Variants in SNX18 observed in about 807,000 individuals in gnomAD.
The protein encoded by SNX18 is sorting nexin-18.
SNX18 carries 35 observed loss-of-function variants against 48.7 expected under a neutral mutation model. The observed-to-expected ratio is 0.72, with a 90% CI of 0.55 to 0.95. SNX18 has a LOEUF of 0.95. Among genes scored for constraint, SNX18 ranks in the 40% least tolerant of loss-of-function variants. SNX18 has a pLI of 0.00. For missense variants in SNX18, 824 were observed against 871.0 expected (o/e 0.95, Z 0.68); for synonymous variants, 492 against 384.7 (o/e 1.28, Z -3.26).
At chr5:54,535,108 T>C (rs1404397201) in intron 1 of SNX18, among the ~76,000 whole-genome samples, 2 of 152,238 alleles carry the variant, frequency 1.3e-5, no homozygotes, top group Non-Finnish European at 1.5e-5. Flanking sequence ...TTGTTTTATA[T>C]TCATTGCAAA....
the SNX18 span, among the ~76,000 whole-genome samples, chr5:54,621,844 T>C: frequency 1.3e-5 from 2 of 152,214 alleles, no homozygotes; most frequent in Non-Finnish European, 2.9e-5. Flanking sequence ...GCCCTGAATA[T>C]GTTGTCTCAG....
At chr5:54,559,892 G>T in the SNX18 span, among the ~76,000 whole-genome samples, 1 of 152,010 alleles carries the variant, frequency 6.6e-6, no homozygotes, top group South Asian at 2.1e-4. Context: ...GAAAAAGTGG[G>T]CAAAGGACAT....
intron 1 of SNX18, among the ~76,000 whole-genome samples, chr5:54,531,151 GGGCAGA>G (rs1762247961): frequency 6.6e-6 from 1 of 152,082 alleles, no homozygotes; most frequent in South Asian, 2.1e-4. Context: ...CCTGTTGGTT[GGGCAGA>G]GATGAGGAGG....
At chr5:54,538,005 C>T (rs968963683) in intron 1 of SNX18, among the ~76,000 whole-genome samples, 1 of 152,170 alleles carries the variant, frequency 6.6e-6, no homozygotes, top group Non-Finnish European at 1.5e-5. Context: ...CTATGATGAT[C>T]TAACTCTGCT....
the SNX18 span, among the ~76,000 whole-genome samples, chr5:54,576,157 GAGCCTTCATGTGTGATTCC>G: frequency 2.0e-5 from 3 of 152,190 alleles, no homozygotes; most frequent in Admixed American, 2.0e-4. Context: ...CTGAGTGAGT[GAGCCTTCATGTGTGATTCC>G]AGCCCTCAGC....
At chr5:54,553,999 A>G in the SNX18 span, among the ~76,000 whole-genome samples, 2 of 152,230 alleles carry the variant, frequency 1.3e-5, no homozygotes, top group Non-Finnish European at 2.9e-5. Flanking sequence ...CTAATGTGCA[A>G]ACACTGGATT....
At chr5:54,589,387 G>A in the SNX18 span, among the ~76,000 whole-genome samples, 2 of 152,100 alleles carry the variant, frequency 1.3e-5, no homozygotes, top group African/African-American at 4.8e-5. Flanking sequence ...CCTGAGGCAC[G>A]AGGGCCAGCT....
At chr5:54,632,102 A>G in the SNX18 span, among the ~76,000 whole-genome samples, 1 of 152,222 alleles carries the variant, frequency 6.6e-6, no homozygotes, top group African/African-American at 2.4e-5. Context: ...GGTGCATAGC[A>G]GTCTTGGGAA....
At chr5:54,550,649 T>C (rs1762635865), downstream of SNX18, among the ~76,000 whole-genome samples, 1 of 152,348 alleles carries the variant, frequency 6.6e-6, no homozygotes, top group African/African-American at 2.4e-5. Flanking sequence ...AGTGGTGCGA[T>C]CTTAGCTTAC....
the SNX18 span, among the ~76,000 whole-genome samples, chr5:54,579,378 T>C: frequency 6.6e-6 from 1 of 151,918 alleles, no homozygotes; most frequent in Non-Finnish European, 1.5e-5. Context: ...GAGAACCACA[T>C]CATATATATT....
At chr5:54,628,024 T>TGTGTA in the SNX18 span, among the ~76,000 whole-genome samples, 1 of 152,092 alleles carries the variant, frequency 6.6e-6, no homozygotes, top group Non-Finnish European at 1.5e-5. Flanking sequence ...TAAGTCCTAC[T>TGTGTA]TCCCAACCAG....
At chr5:54,626,146 C>T in the SNX18 span, among the ~76,000 whole-genome samples, 27,801 of 152,044 alleles carry the variant, frequency 0.18, 2,716 homozygotes, top group East Asian at 0.3. Flanking sequence ...TGAAAGACAT[C>T]TGATATACAG....
At chr5:54,556,782 A>G in the SNX18 span, among the ~76,000 whole-genome samples, 1 of 152,086 alleles carries the variant, frequency 6.6e-6, no homozygotes, top group Non-Finnish European at 1.5e-5. Context: ...TGCACAAAAA[A>G]CTTCAACTGC....
chr5:54,576,658 A>C, the SNX18 span, among the ~76,000 whole-genome samples: 1 of 152,236 alleles, frequency 6.6e-6, no homozygotes, highest in African/African-American at 2.4e-5. Context: ...TTATTACAGT[A>C]GCAGTGTGAA....
chr5:54,593,355 T>G, the SNX18 span, among the ~76,000 whole-genome samples: 1 of 151,816 alleles, frequency 6.6e-6, no homozygotes, highest in African/African-American at 2.4e-5. Context: ...GAGATTGGAG[T>G]GGGGAGAAAC....
Position 54,543,197 on chromosome 5 carries a change from A to G in SNX18, c.1640A>G (p.Lys547Arg). 1.2e-6 allele frequency: 2 copies of G among 1,614,046 alleles called. No homozygotes were observed. The highest frequency in any genetic ancestry group is 8.5e-7 in the Non-Finnish European group (1 of 1,179,982). Residue 547 changes from lysine to arginine, a missense_variant, in exon 2 of 2, where the codon AAG (lysine) becomes AGG (arginine). This residue lies in a region of SNX18 where 443 missense variants were observed against 503.6 expected (regional missense o/e 0.88). Transcript: ENST00000381410. ...ACTACAGGAGCTCTTACCAAAGTCAAGGAGAGTAGGCGACACGTGGAGGAA... is the reference window on the plus strand; with the variant it reads ...ACTACAGGAGCTCTTACCAAAGTCAGGGAGAGTAGGCGACACGTGGAGGAA... Reference protein sequence around the residue: ...HVQKGALTKVKESRRHVEEGK... With the variant: ...HVQKGALTKVRESRRHVEEGK...
the SNX18 span, among the ~76,000 whole-genome samples, chr5:54,565,986 CTG>C: frequency 2.0e-5 from 3 of 152,178 alleles, no homozygotes; most frequent in Non-Finnish European, 4.4e-5. Flanking sequence ...GCCTGGCAGA[CTG>C]TCTTTTGAGG....
chr5:54,602,678 T>C, the SNX18 span, among the ~76,000 whole-genome samples: 2 of 151,986 alleles, frequency 1.3e-5, no homozygotes, highest in East Asian at 1.9e-4. Context: ...GGAAGGAATA[T>C]ACAACTTGGA....
chr5:54,623,412 C>A, the SNX18 span, among the ~76,000 whole-genome samples: 1 of 152,066 alleles, frequency 6.6e-6, no homozygotes, highest in African/African-American at 2.4e-5. Context: ...CAGTGTAGCC[C>A]AGCATTGCAG....
Sources: allele counts gnomAD v4.1 joint callset (sites outside exome capture counted in the v4.1 genomes callset), GRCh38; gene constraint gnomAD v4.1.1; regional missense constraint gnomAD v4.1.1; transcripts MANE v1.5; gene names NCBI Gene and HGNC (gene_info 2026-07-23, HGNC 2026-07-21).